MPZL3: variants seen among roughly 807,000 people sequenced by gnomAD.
The protein encoded by MPZL3 is myelin protein zero like 3, also known as myelin protein zero-like protein 3.
MPZL3 carries 23 observed loss-of-function variants against 24.8 expected under a neutral mutation model. The observed-to-expected ratio is 0.93, with a 90% confidence interval of 0.67 to 1.31. MPZL3 has a LOEUF of 1.31. Ranked by LOEUF, MPZL3 falls within the 40% of genes most tolerant of loss-of-function variation. The pLI, the probability that MPZL3 is intolerant of heterozygous loss-of-function variation, is 0.00. For missense variants in MPZL3, 277 were observed against 294.9 expected (o/e 0.94, Z 0.44); for synonymous variants, 99 against 106.5 (o/e 0.93, Z 0.44).
intron 5 of MPZL3, 130 bp downstream of exon 5, chr11:118,233,330 A>T (rs1321613720): frequency 1.0e-6 from 1 of 983,002 alleles, no homozygotes; most frequent in Non-Finnish European, 1.6e-6. Flanking sequence ...TTGGGGAAAG[A>T]TGCTGGTTCA....
intron 1 of MPZL3, among the ~76,000 whole-genome samples, chr11:118,246,585 C>CTTTCT (rs1555112606): frequency 2.2e-3 from 272 of 123,242 alleles, no homozygotes; most frequent in African/African-American, 8.2e-3. Flanking sequence ...TTTTTCTTTT[C>CTTTCT]TTTTTTTTTT....
Position 118,237,041 on chromosome 11 carries a change from T to C in MPZL3, c.451+9A>G, listed in dbSNP as rs1448136780. On this transcript the variant is annotated intron_variant, in intron 3 of 5. Coordinates refer to ENST00000278949, the MANE Select transcript of MPZL3 (RefSeq NM_198275.3). ...CACTGCAGAAGAAGGTTGGTGGCAA[T>C]GAGCTTACCCCTTTCTGTGACTGTT... 6.3e-7 allele frequency: 1 copy of C among 1,595,754 alleles called. No individual in the cohort carries two copies. Among genetic ancestry groups the C allele is most frequent in the Non-Finnish European group, 8.6e-7 (1 of 1,163,380 alleles).
At position 118,228,297 on chromosome 11, in the gene MPZL3, C is replaced by T. The variant is rs1165825723; in HGVS notation, c.*1597G>A. 6.6e-6 allele frequency: 1 copy of T among 152,092 alleles called. No homozygotes were observed. The highest frequency in any genetic ancestry group is 1.5e-5 in the Non-Finnish European group (1 of 68,016). The allele number at this position is 152,092 out of a possible 1,614,324, so 9.4% of individuals were successfully genotyped here. A position where few individuals can be genotyped will look rare whatever the true frequency, so the allele number is the denominator to read the frequency against. ...AAACTAACATATACAGTCTGAAGCG[C>T]TGTAATATGGAAACTTCCTGAACCA... On this transcript the variant is annotated 3_prime_UTR_variant, in exon 6 of 6. Transcript: ENST00000278949.
At chr11:118,236,969 T>C in intron 3 of MPZL3, 81 bp downstream of exon 3, 1 of 1,281,302 alleles carries the variant, frequency 7.8e-7, no homozygotes, top group Non-Finnish European at 1.1e-6. Context: ...GATAGACAGC[T>C]TTGTTTATCA....
Position 118,237,208 on chromosome 11 carries a change from TC to T in MPZL3, c.292del (p.Asp98IlefsTer16). On this transcript the variant is annotated frameshift_variant, in exon 3 of 6. Coordinates refer to ENST00000278949, the MANE Select transcript of MPZL3 (RefSeq NM_198275.3). ...TACATTTCCAACCCAGGAAATCCGA[TC>T]CCGAAATGTGCCTGCTGTGGTTGGG... The part of the protein sequence containing the change: ...QYPTTAGTFR[D>X]RISWVGNVYK... 1 of 1,614,076 alleles carries T rather than the reference TC, an allele frequency of 6.2e-7. No homozygotes were observed. The highest frequency in any genetic ancestry group is 8.5e-7 in the Non-Finnish European group (1 of 1,179,972).
chr11:118,251,927 C>G (rs757422450), intron 1 of MPZL3, among the ~76,000 whole-genome samples: 2 of 152,182 alleles, frequency 1.3e-5, no homozygotes, highest in Non-Finnish European at 2.9e-5. Context: ...CAAAATAACA[C>G]CGGGTGCCCC....
intron 1 of MPZL3, among the ~76,000 whole-genome samples, chr11:118,240,800 G>GAGA (rs1260581077): frequency 6.7e-6 from 1 of 149,526 alleles, no homozygotes; most frequent in Non-Finnish European, 1.5e-5. Context: ...GAATATGGCA[G>GAGA]CTTTTGTGGT....
At chr11:118,247,321 A>C (rs2134716156) in intron 1 of MPZL3, among the ~76,000 whole-genome samples, 1 of 152,292 alleles carries the variant, frequency 6.6e-6, no homozygotes, top group Admixed American at 6.5e-5. Context: ...ATTTACCTAA[A>C]CCAATCATTA....
chr11:118,228,226 C>T lies in MPZL3; in HGVS notation c.*1668G>A, dbSNP rs1302882022. On this transcript the variant is annotated 3_prime_UTR_variant, in exon 6 of 6. Coordinates refer to ENST00000278949, the MANE Select transcript of MPZL3 (RefSeq NM_198275.3). ...ACAACCCAAATTTTTTAAATTAAGTCTTCAAAAAAAAAAGAAAGAAGTTGA... is the reference window on the plus strand; with the variant it reads ...ACAACCCAAATTTTTTAAATTAAGTTTTCAAAAAAAAAAGAAAGAAGTTGA... 1 of 146,120 alleles carries T rather than the reference C, an allele frequency of 6.8e-6. No homozygotes were observed. Among genetic ancestry groups the T allele is most frequent in the East Asian group, 1.9e-4 (1 of 5,168 alleles). The allele number at this position is 146,120 out of a possible 1,614,324, so 9.1% of individuals were successfully genotyped here.
At position 118,233,466 on chromosome 11, in the gene MPZL3, C is replaced by T. The variant is rs1410108717; in HGVS notation, c.675G>A (p.Glu225=). The T allele has an allele frequency of 2.5e-6, 4 of 1,613,896 alleles. No homozygotes were observed. Among genetic ancestry groups the T allele is most frequent in the Non-Finnish European group, 2.5e-6 (3 of 1,179,876 alleles). The change falls in exon 5 of 6, where the codon GAG becomes GAA. Residue 225 remains glutamate (E), a synonymous_variant. Coordinates refer to ENST00000278949, the MANE Select transcript of MPZL3 (RefSeq NM_198275.3). ...CMARLCVRCA[E]CLDSDYEETY ...AGGAATGGCATGCACTTACCAGGCA[C>T]TCAGCGCAACGGACACAAAGCCTCG... is the stretch of plus-strand genomic sequence containing the variant.
intron 4 of MPZL3, among the ~76,000 whole-genome samples, chr11:118,235,070 G>A (rs1949405103): frequency 6.6e-6 from 1 of 152,128 alleles, no homozygotes; most frequent in Admixed American, 6.5e-5. Context: ...TCTGTCAGGA[G>A]ACATCATCAG....
At chr11:118,234,476 T>C (rs1447725178) in intron 4 of MPZL3, among the ~76,000 whole-genome samples, 3 of 152,000 alleles carry the variant, frequency 2.0e-5, no homozygotes, top group Admixed American at 6.6e-5. Context: ...GGAGGGGTCT[T>C]AGAGGATGAG....
intron 1 of MPZL3, among the ~76,000 whole-genome samples, chr11:118,249,917 G>A (rs774894463): frequency 3.3e-5 from 5 of 151,882 alleles, no homozygotes; most frequent in Non-Finnish European, 5.9e-5. Flanking sequence ...CAAACAAATG[G>A]ATGAACCTTG....
At chr11:118,230,102 A>G (rs1312789527) in intron 5 of MPZL3, among the ~76,000 whole-genome samples, 182 bp from the exon 6 acceptor site, 2 of 152,212 alleles carry the variant, frequency 1.3e-5, no homozygotes, top group East Asian at 3.8e-4. Flanking sequence ...ATTGGTGTCT[A>G]TTGGGCTAAT....
rs943302459 is a variant in MPZL3, at chr11:118,228,816, A to C, written c.*1078T>G. ...CCTCTGACCTGAAAATTCAAGAAGA[A>C]AAGTTGTAGTTATAAGAAAATAAAA... On this transcript the variant is annotated 3_prime_UTR_variant, in exon 6 of 6. Coordinates refer to ENST00000278949, the MANE Select transcript of MPZL3 (RefSeq NM_198275.3). The C allele has an allele frequency of 6.6e-6, 1 of 152,210 alleles. No homozygotes were observed. Among genetic ancestry groups the C allele is most frequent in the African/African-American group, 2.4e-5 (1 of 41,436 alleles). 9.4% of individuals were successfully genotyped at this position (152,210 alleles called of 1,614,324 possible).
chr11:118,251,984 C>T (rs1447239601), intron 1 of MPZL3, among the ~76,000 whole-genome samples: 1 of 152,186 alleles, frequency 6.6e-6, no homozygotes, highest in Non-Finnish European at 1.5e-5. Flanking sequence ...TATCACCAAA[C>T]TACAATGACA....
intron 5 of MPZL3, among the ~76,000 whole-genome samples, chr11:118,230,529 AT>A (rs60276621): frequency 0.066 from 9,984 of 152,154 alleles, 1,102 homozygotes; most frequent in African/African-American, 0.23. Context: ...ATTATTATTC[AT>A]ACTCATATTC....
chr11:118,239,892 G>A (rs908553906), intron 2 of MPZL3, among the ~76,000 whole-genome samples: 1 of 152,132 alleles, frequency 6.6e-6, no homozygotes, highest in Non-Finnish European at 1.5e-5. Flanking sequence ...AGTCCTGAAG[G>A]TACCCTTTTT....
rs1174223241 is a variant in MPZL3, at chr11:118,237,277, A to G, written c.241-17T>C. 1 of 1,606,572 alleles carries G rather than the reference A, an allele frequency of 6.2e-7. No homozygotes were observed. The highest frequency in any genetic ancestry group is 8.5e-7 in the Non-Finnish European group (1 of 1,173,548). ...ATGAAATATCTAAGAAAGCAACACCATGAGAGAAAAGGTTAACTTGGAAAA... is the reference window on the plus strand; with the variant it reads ...ATGAAATATCTAAGAAAGCAACACCGTGAGAGAAAAGGTTAACTTGGAAAA... On this transcript the variant is annotated splice_polypyrimidine_tract_variant and intron_variant, in intron 2 of 5. Coordinates refer to ENST00000278949, the MANE Select transcript of MPZL3 (RefSeq NM_198275.3).
Sources: allele counts gnomAD v4.1 joint callset (sites outside exome capture counted in the v4.1 genomes callset), GRCh38; gene constraint gnomAD v4.1.1; transcripts MANE v1.5; gene names NCBI Gene and HGNC (gene_info 2026-07-23, HGNC 2026-07-21).